The following HDAC9 variants were observed in gnomAD, a reference collection of about 807,000 sequenced individuals.
HDAC9 encodes the protein histone deacetylase 9.
In HDAC9, 41 loss-of-function variants were observed where a neutral mutation model predicts 139.4. The observed-to-expected ratio is 0.29, with a 90% CI of 0.23 to 0.38. HDAC9 has a LOEUF of 0.38. Ranked by LOEUF, HDAC9 falls within the 10% of genes least tolerant of loss-of-function variation. HDAC9 has a pLI of 1.00. For missense variants in HDAC9, 1,147 were observed against 1,297.0 expected, an observed-to-expected ratio of 0.88 and a Z score of 1.78; for synonymous variants, 517 against 476.2, an observed-to-expected ratio of 1.09 and a Z score of -1.12.
intron 2 of HDAC9, among the ~76,000 whole-genome samples, chr7:18,542,536 A>G (rs1446853302): frequency 6.6e-6 from 1 of 152,248 alleles, no homozygotes; most frequent in Non-Finnish European, 1.5e-5. Context: ...TTCTTTGTAT[A>G]GAATATGTGC....
intron 16 of HDAC9, among the ~76,000 whole-genome samples, chr7:18,785,394 T>C (rs1791626525): frequency 6.6e-6 from 1 of 151,780 alleles, no homozygotes; most frequent in African/African-American, 2.4e-5. Flanking sequence ...TAGAAGCCAG[T>C]AGCACACCTC....
At chr7:18,183,331 G>A (rs1459409161) in intron 2 of HDAC9, among the ~76,000 whole-genome samples, 1 of 152,086 alleles carries the variant, frequency 6.6e-6, no homozygotes, top group East Asian at 1.9e-4. Context: ...TTTAAAAAAA[G>A]CCCTTGAATA....
chr7:18,798,073 G>T (rs1360518044), intron 17 of HDAC9, among the ~76,000 whole-genome samples: 5 of 151,842 alleles, frequency 3.3e-5, no homozygotes, highest in Non-Finnish European at 7.4e-5. Context: ...CATTGTTGTT[G>T]TTTCCAGGTT....
chr7:18,138,130 T>G (rs1315215932), intron 1 of HDAC9, among the ~76,000 whole-genome samples: 1 of 152,206 alleles, frequency 6.6e-6, no homozygotes, highest in Non-Finnish European at 1.5e-5. Context: ...TAGTTTGTAT[T>G]TCTGTGGGAT....
intron 2 of HDAC9, among the ~76,000 whole-genome samples, chr7:18,224,388 A>G (rs1221491556): frequency 6.6e-6 from 1 of 152,214 alleles, no homozygotes; most frequent in Non-Finnish European, 1.5e-5. Context: ...TCAATTTAAA[A>G]TTGTATTTAA....
chr7:18,954,112 A>G (rs1782987152), intron 23 of HDAC9, 34 bp from the exon 24 acceptor site: 2 of 1,431,040 alleles, frequency 1.4e-6, no homozygotes, highest in Non-Finnish European at 1.9e-6. Flanking sequence ...AAGTCATAAT[A>G]TTCTGCTCAT....
At chr7:18,242,825 G>T (rs1260092874) in intron 2 of HDAC9, among the ~76,000 whole-genome samples, 1 of 151,818 alleles carries the variant, frequency 6.6e-6, no homozygotes, top group East Asian at 1.9e-4. Flanking sequence ...GAATCTCTTG[G>T]TCTATTATGT....
intron 2 of HDAC9, among the ~76,000 whole-genome samples, chr7:18,535,722 C>CAAAA (rs72123660): frequency 2.0e-4 from 10 of 49,230 alleles, no homozygotes; most frequent in East Asian, 6.7e-4. Context: ...AGGCATTAAG[C>CAAAA]AAAAAAAAAA....
intron 3 of HDAC9, among the ~76,000 whole-genome samples, chr7:18,588,977 AG>A (rs1487591917): frequency 6.6e-6 from 1 of 152,178 alleles, no homozygotes; most frequent in African/African-American, 2.4e-5. Flanking sequence ...TAAAATCAGT[AG>A]GGTTCAAACT....
intron 1 of HDAC9, among the ~76,000 whole-genome samples, chr7:18,336,648 C>T (rs1781606392): frequency 6.6e-6 from 1 of 151,530 alleles, no homozygotes; most frequent in Non-Finnish European, 1.5e-5. Flanking sequence ...AGTCACTCTC[C>T]AAGTTCAGGA....
intron 2 of HDAC9, among the ~76,000 whole-genome samples, chr7:18,187,930 AATT>A (rs1316403948): frequency 3.9e-5 from 6 of 152,220 alleles, no homozygotes; most frequent in Admixed American, 1.3e-4. Context: ...GGGCTAAAAT[AATT>A]CATAGATTCA....
chr7:18,634,847 A>G, intron 8 of HDAC9, 105 bp downstream of exon 8: 1 of 706,868 alleles, frequency 1.4e-6, no homozygotes, highest in South Asian at 1.9e-5. Flanking sequence ...AATGATATTT[A>G]TGAATTGAAG....
intron 16 of HDAC9, among the ~76,000 whole-genome samples, chr7:18,775,719 T>C (rs1315446811): frequency 6.6e-6 from 1 of 151,852 alleles, no homozygotes; most frequent in African/African-American, 2.4e-5. Context: ...CACTCATGTA[T>C]CTTGTCATAC....
chr7:18,524,959 C>G (rs1448428744), intron 2 of HDAC9, among the ~76,000 whole-genome samples: 1 of 151,344 alleles, frequency 6.6e-6, no homozygotes, highest in Non-Finnish European at 1.5e-5. Context: ...TACTGCTGTT[C>G]TAAATGTAGT....
At chr7:18,837,869 C>T (rs757771624) in intron 21 of HDAC9, among the ~76,000 whole-genome samples, 13 of 152,008 alleles carry the variant, frequency 8.6e-5, no homozygotes, top group South Asian at 2.1e-4. Context: ...ATGGGGTTGA[C>T]GATTCTCAGA....
intron 2 of HDAC9, among the ~76,000 whole-genome samples, chr7:18,169,386 C>T (rs1055889724): frequency 2.6e-5 from 4 of 151,942 alleles, no homozygotes; most frequent in African/African-American, 9.7e-5. Flanking sequence ...TTTGAGTTTC[C>T]AGCGGGTGAG....
intron 14 of HDAC9, among the ~76,000 whole-genome samples, chr7:18,752,554 G>A (rs1179635354): frequency 6.6e-6 from 1 of 152,098 alleles, no homozygotes; most frequent in Non-Finnish European, 1.5e-5. Context: ...CTAACATGAG[G>A]AGGTATAATC....
intron 21 of HDAC9, among the ~76,000 whole-genome samples, chr7:18,852,447 TG>T (rs1324013862): frequency 1.3e-5 from 2 of 152,198 alleles, no homozygotes; most frequent in Non-Finnish European, 2.9e-5. Context: ...GCCTGATTTG[TG>T]GGTGTTAATC....
chr7:18,471,508 T>A (rs1794723327), intron 1 of HDAC9, among the ~76,000 whole-genome samples: 1 of 152,196 alleles, frequency 6.6e-6, no homozygotes, highest in African/African-American at 2.4e-5. Context: ...TAGCTAAGGA[T>A]CTTTTGACTA....
Sources: allele counts gnomAD v4.1 joint callset (sites outside exome capture counted in the v4.1 genomes callset), GRCh38; gene constraint gnomAD v4.1.1; transcripts MANE v1.5; gene names NCBI Gene and HGNC (gene_info 2026-07-23, HGNC 2026-07-21).